The following ARHGAP35 variants were observed in gnomAD, a reference collection of about 807,000 sequenced individuals.
ARHGAP35 encodes the protein Rho GTPase activating protein 35, also known as rho GTPase-activating protein 35.
ARHGAP35 carries 15 observed loss-of-function variants against 111.1 expected under a neutral mutation model. The observed-to-expected ratio is 0.13, with a 90% CI of 0.09 to 0.21. The LOEUF (loss-of-function observed/expected upper bound fraction) is 0.21. Ranked by LOEUF, ARHGAP35 falls within the 10% of genes least tolerant of loss-of-function variation. ARHGAP35 has a pLI of 1.00. For synonymous variants in ARHGAP35, 643 were observed against 710.3 expected, an observed-to-expected ratio of 0.91 and a Z score of 1.51; for missense variants, 1,262 against 1,873.0, an observed-to-expected ratio of 0.67 and a Z score of 6.02.
intron 1 of ARHGAP35, among the ~76,000 whole-genome samples, chr19:46,862,161 C>T (rs779310895): frequency 2.0e-5 from 3 of 152,128 alleles, no homozygotes; most frequent in Non-Finnish European, 2.9e-5. Context: ...CTGCGCTCCC[C>T]TCACCTGCTT....
At chr19:46,963,256 T>C (rs2122275469) in intron 3 of ARHGAP35, among the ~76,000 whole-genome samples, 1 of 152,316 alleles carries the variant, frequency 6.6e-6, no homozygotes, top group African/African-American at 2.4e-5. Context: ...GGTCAAAAAC[T>C]GTTGTCTTTG....
intron 1 of ARHGAP35, among the ~76,000 whole-genome samples, chr19:46,913,092 G>A (rs2056146734): frequency 1.3e-5 from 2 of 151,242 alleles, no homozygotes; most frequent in Non-Finnish European, 2.9e-5. Context: ...TTCTGTATGT[G>A]ATTATTTGAA....
rs1445034184 is a variant in ARHGAP35 at position 46,920,258 on chromosome 19, A to G, written c.1583A>G (p.Gln528Arg). Residue 528 changes from glutamine (Q) to arginine (R), a missense_variant, in exon 2 of 7, where the codon CAG becomes CGG. This residue lies in a region of ARHGAP35 where 328 missense variants were observed against 440.8 expected (regional missense o/e 0.74). Coordinates refer to ENST00000672722, the MANE Select transcript of ARHGAP35 (RefSeq NM_004491.5). The surrounding 1 kb of genome is among the most constrained non-coding windows in gnomAD (Gnocchi z 7.0). ...ATTCAGGATGTTCTGGGAGAGGAAC[A>G]GCGATTTAAAGCATTACAAAAGCTC... ...GVIQDVLGEE[Q>R]RFKALQKLQA... is the part of the protein sequence containing the mutation. 1 of 1,614,034 alleles carries G rather than the reference A, an allele frequency of 6.2e-7. No homozygotes were observed. Among genetic ancestry groups the G allele is most frequent in the South Asian group, 1.1e-5 (1 of 91,080 alleles).
intron 3 of ARHGAP35, among the ~76,000 whole-genome samples, chr19:46,965,635 C>A (rs1386335054): frequency 6.6e-6 from 1 of 152,128 alleles, no homozygotes; most frequent in African/African-American, 2.4e-5. Flanking sequence ...CAGGTGCACA[C>A]CACCATGCTC....
chr19:46,885,253 T>C (rs574734821), intron 1 of ARHGAP35, among the ~76,000 whole-genome samples: 1 of 152,170 alleles, frequency 6.6e-6, no homozygotes, highest in African/African-American at 2.4e-5. Context: ...TCCTCAGAGA[T>C]AGTTTGTGAC....
rs1599793512 is a variant in ARHGAP35 at position 46,875,782 on chromosome 19, G to A, written c.-189+14573G>A. The stretch of plus-strand genomic sequence containing the variant: ...GAGCATGTGAGGGTGCTGCAAAGGC[G>A]GCGTGATGAAATTTTGGATCAGTGG... On this transcript the variant is annotated intron_variant, in intron 1 of 6. Transcript: ENST00000672722. Among the ~76,000 whole-genome samples, 4 of 152,092 alleles carry A rather than the reference G, an allele frequency of 2.6e-5. No individual in the cohort carries two copies. In the South Asian group the frequency reaches 6.2e-4, roughly 24 times the overall value.
intron 1 of ARHGAP35, among the ~76,000 whole-genome samples, chr19:46,871,936 T>C (rs1375298149): frequency 6.6e-6 from 1 of 151,996 alleles, no homozygotes; most frequent in Non-Finnish European, 1.5e-5. Context: ...GCGGAGATTA[T>C]GCCACTGCAC....
intron 1 of ARHGAP35, among the ~76,000 whole-genome samples, chr19:46,876,442 C>T (rs2055922067): frequency 6.6e-6 from 1 of 151,378 alleles, no homozygotes; most frequent in Admixed American, 6.6e-5. Flanking sequence ...GGTACAATCT[C>T]GGCTCACTGC....
In ARHGAP35 at chr19:46,922,437, C is replaced by A; in HGVS notation, c.3681+81C>A. 1 of 1,325,950 alleles carries A rather than the reference C, an allele frequency of 7.5e-7. No homozygotes were observed. The highest frequency in any genetic ancestry group is 1.0e-6 in the Non-Finnish European group (1 of 1,002,794). The allele number at this position is 1,325,950 out of a possible 1,614,324, so 82.1% of individuals were successfully genotyped here. A position where few individuals can be genotyped will look rare whatever the true frequency, so the allele number is the denominator to read the frequency against. On this transcript the variant is annotated intron_variant, in intron 2 of 6. Transcript: ENST00000672722. The surrounding 1 kb of genome is among the most constrained non-coding windows in gnomAD (Gnocchi z 4.0). ...TTGATTGATGATGATTTTTCAAGGACAACCTATTCTGGTAAAAAAAAAACT... is the reference window on the plus strand; with the variant it reads ...TTGATTGATGATGATTTTTCAAGGAAAACCTATTCTGGTAAAAAAAAAACT...
chr19:46,876,991 T>A (rs1484074099), intron 1 of ARHGAP35, among the ~76,000 whole-genome samples: 2 of 152,098 alleles, frequency 1.3e-5, no homozygotes, highest in Admixed American at 1.3e-4. Flanking sequence ...GGCTCATGCC[T>A]GTAATCCCAG....
At chr19:46,862,746 G>C (rs2055835625) in intron 1 of ARHGAP35, among the ~76,000 whole-genome samples, 1 of 151,968 alleles carries the variant, frequency 6.6e-6, no homozygotes, top group African/African-American at 2.4e-5. Context: ...TCTTGTCACT[G>C]TGTCCCCTCT....
rs2056748393 is a variant in ARHGAP35 at position 47,001,533 on chromosome 19, T to C, written c.*845T>C. The C allele has an allele frequency of 1.5e-6, 1 of 655,620 alleles. No homozygotes were observed. The highest frequency in any genetic ancestry group is 1.9e-5 in the African/African-American group (1 of 52,610). 40.6% of individuals were successfully genotyped at this position (655,620 alleles called of 1,614,324 possible). ...CGTCTTTGTGGCAGCAAAACCAGGA[T>C]GCCTGGAGCTGTGGCCTGAGGGCCT... On this transcript the variant is annotated 3_prime_UTR_variant, in exon 7 of 7. Transcript: ENST00000672722. This position sits in a 1 kb window ranked among gnomAD's most constrained non-coding sequence, Gnocchi z 5.4.
In ARHGAP35 at chr19:46,861,047, A is replaced by AGGAGGGAACCCGCGAG. The variant is rs2055822649; in HGVS notation, c.-344_-329dup. 6.9e-6 allele frequency among the ~76,000 whole-genome samples: 1 copy of AGGAGGGAACCCGCGAG among 144,410 alleles called. No individual in the cohort carries two copies. The highest frequency in any genetic ancestry group is 2.3e-4 in the East Asian group (1 of 4,382). 94.7% of individuals were successfully genotyped at this position (144,410 alleles called of 152,430 possible). ...CGGCAGGAGGAGGTGGAGGAGGCGG[A>AGGAGGGAACCCGCGAG]GGAGGGAACCCGCGAGGGAGGGTCC... On this transcript the variant is annotated 5_prime_UTR_variant, in exon 1 of 7. Transcript: ENST00000672722.
chr19:46,956,722 C>G (rs773122229), intron 3 of ARHGAP35, among the ~76,000 whole-genome samples: 1 of 152,210 alleles, frequency 6.6e-6, no homozygotes, highest in Non-Finnish European at 1.5e-5. Context: ...GAGTCAGTCT[C>G]TTTGGATGCC....
At chr19:46,903,744 G>A (rs1305862720) in intron 1 of ARHGAP35, among the ~76,000 whole-genome samples, 2 of 152,176 alleles carry the variant, frequency 1.3e-5, no homozygotes, top group Non-Finnish European at 2.9e-5. Context: ...TGATAAGGAA[G>A]AACAAACTAC....
At chr19:46,863,090 C>T (rs1460441237) in intron 1 of ARHGAP35, among the ~76,000 whole-genome samples, 1 of 150,628 alleles carries the variant, frequency 6.6e-6, no homozygotes, top group Non-Finnish European at 1.5e-5. Context: ...TCCTGCCAGG[C>T]TCCTTCTCTT....
In ARHGAP35 at chr19:46,916,053, G is replaced by A. The variant is rs368131331; in HGVS notation, c.-188-2435G>A. On this transcript the variant is annotated intron_variant, in intron 1 of 6. Transcript: ENST00000672722. The stretch of plus-strand genomic sequence containing the variant: ...GGGTTCACTCCATTCTCCTGTCTCA[G>A]CCTCCTGAGTAGCTGGGACTACAGG... Among the ~76,000 whole-genome samples the A allele has an allele frequency of 5.3e-5, 8 of 149,984 alleles. No individual in the cohort carries two copies. In the East Asian group the frequency reaches 5.9e-4, roughly 11 times the overall value.
chr19:46,929,560 CTACATTCCGTATATGGTGTTACCTG>C (rs1445031385), intron 2 of ARHGAP35, among the ~76,000 whole-genome samples: 3 of 146,558 alleles, frequency 2.0e-5, no homozygotes. Context: ...ATGTTCCAGA[CTACATTCCGTATATGGTGTTACCTG>C]TTACTCTTTT....
At chr19:46,865,570 A>T (rs1229239837) in intron 1 of ARHGAP35, among the ~76,000 whole-genome samples, 3 of 152,162 alleles carry the variant, frequency 2.0e-5, no homozygotes, top group African/African-American at 7.2e-5. Context: ...ACAGCCTGGG[A>T]AGGGTGGGGG....
Sources: allele counts gnomAD v4.1 joint callset (sites outside exome capture counted in the v4.1 genomes callset), GRCh38; gene constraint gnomAD v4.1.1; regional missense constraint gnomAD v4.1.1; non-coding constraint Gnocchi (gnomAD v3.1); transcripts MANE v1.5; gene names NCBI Gene and HGNC (gene_info 2026-07-23, HGNC 2026-07-21).